AIFM1: variants seen among roughly 807,000 people sequenced by gnomAD.
AIFM1 encodes apoptosis inducing factor mitochondria associated 1.
A neutral mutation model predicts 51.7 loss-of-function variants in AIFM1; 3 were observed. The observed-to-expected ratio is 0.06, with a 90% confidence interval of 0.03 to 0.15. The LOEUF (loss-of-function observed/expected upper bound fraction) is 0.15. Ranked by LOEUF, AIFM1 falls within the 10% of genes least tolerant of loss-of-function variation. The probability of loss-of-function intolerance (pLI) is 1.00; values close to 1 mark genes in which losing one functional copy is unlikely to be tolerated. For missense variants in AIFM1, 330 were observed against 476.8 expected (o/e 0.69, Z 2.87); for synonymous variants, 178 against 179.4 (o/e 0.99, Z 0.06).
chrX:130,138,824 A>G (rs1159043436), intron 8 of AIFM1, 123 bp from the exon 9 acceptor site: 2 of 511,861 alleles, frequency 3.9e-6, no homozygotes, highest in Admixed American at 5.8e-5. Flanking sequence ...AAGTGACTCA[A>G]TTATAACTTC....
intron 1 of AIFM1, 54 bp from the exon 2 acceptor site, chrX:130,156,657 C>A (rs1260432345): frequency 8.8e-7 from 1 of 1,139,719 alleles, no homozygotes; most frequent in Non-Finnish European, 1.2e-6. Flanking sequence ...ATAGTTAATA[C>A]ATATTTATGA....
At chrX:130,158,001 G>A (rs1465888302) in intron 1 of AIFM1, among the ~76,000 whole-genome samples, 6 of 109,641 alleles carry the variant, frequency 5.5e-5, no homozygotes, top group Non-Finnish European at 7.6e-5. Flanking sequence ...AGTGGCTCAC[G>A]CCTGTAATCC....
rs190558459 is a variant in AIFM1 at position 130,138,460 on chromosome X, A to G, written c.967+133T>C. 644 of 517,085 alleles carry G rather than the reference A, an allele frequency of 1.2e-3. 7 individuals are homozygous for G. The highest frequency in any genetic ancestry group is 0.012 in the African/African-American group (505 of 42,020). 42.6% of individuals were successfully genotyped at this position (517,085 alleles called of 1,213,427 possible). A position where few individuals can be genotyped will look rare whatever the true frequency, so the allele number is the denominator to read the frequency against. ...AGCCTGGGTGACAGAGCGAGACTCC[A>G]TCTCAAAAAAAAATAAATAAATAAA... On this transcript the variant is annotated intron_variant, in intron 9 of 15. Transcript: ENST00000287295.
Position 130,149,544 on chromosome X carries a change from C to T in AIFM1, c.274G>A (p.Glu92Lys), listed in dbSNP as rs149319206. 2.4e-4 allele frequency: 291 copies of T among 1,205,295 alleles called. 2 individuals are homozygous for T. In the African/African-American group the frequency reaches 4.7e-3, roughly 20 times the overall value. Reference sequence around the variant, plus strand: ...GAAATTCTTTCATTGTATCTTTTTTCATCCTCTTTCATAGTCTTGTAGGCC... The same window carrying T: ...GAAATTCTTTCATTGTATCTTTTTTTATCCTCTTTCATAGTCTTGTAGGCC... ...AYAYKTMKED[E>K]KRYNERISGL... The change falls in exon 3 of 16, where the codon GAA becomes AAA. Residue 92 changes from glutamate (E) to lysine (K), a missense_variant. Glu to Lys is a moderately conservative substitution (Grantham distance 56). Coordinates refer to ENST00000287295, the MANE Select transcript of AIFM1 (RefSeq NM_004208.4).
intron 2 of AIFM1, among the ~76,000 whole-genome samples, chrX:130,150,799 A>AC (rs1282480103): frequency 6.0e-5 from 6 of 100,765 alleles, no homozygotes; most frequent in Admixed American, 5.3e-4. Flanking sequence ...ACATGGTGAA[A>AC]CCCCATCTCT....
At chrX:130,132,576 T>C (rs2030137655) in intron 13 of AIFM1, among the ~76,000 whole-genome samples, 1 of 112,325 alleles carries the variant, frequency 8.9e-6, no homozygotes, top group East Asian at 2.8e-4. Context: ...AAACTTTTTA[T>C]TTAAAAAATT....
intron 6 of AIFM1, 43 bp from the exon 7 acceptor site, chrX:130,140,660 T>G: frequency 4.8e-6 from 5 of 1,032,615 alleles, no homozygotes; most frequent in Non-Finnish European, 5.4e-6. Context: ...AGAGATGAAT[T>G]AGCATTGAAA....
At position 130,153,352 on chromosome X, in the gene AIFM1, C is replaced by CA. The variant is rs35771131; in HGVS notation, c.249+3108dup. On this transcript the variant is annotated intron_variant, in intron 2 of 15. Transcript: ENST00000287295. ...TGGGCGACACAGAGAGACTCCGTTT[C>CA]AAAAAAAAAAAAAAAAAAAAAAGTC... Among the ~76,000 whole-genome samples the CA allele has an allele frequency of 6.4e-3, 272 of 42,690 alleles. 2 individuals carry two copies. Among genetic ancestry groups the CA allele is most frequent in the East Asian group, 0.016 (20 of 1,253 alleles). The allele number at this position is 42,690 out of a possible 115,157, so 37.1% of individuals were successfully genotyped here. A position where few individuals can be genotyped will look rare whatever the true frequency, so the allele number is the denominator to read the frequency against.
chrX:130,165,416 A>C (rs763281291), intron 1 of AIFM1, 135 bp downstream of exon 1: 1 of 561,582 alleles, frequency 1.8e-6, no homozygotes, highest in East Asian at 3.6e-5. Context: ...CAGGGTTCGG[A>C]GTCTGCCAAT....
rs745975824 is a variant in AIFM1, at chrX:130,149,620, C to T, written c.250-52G>A. ...TATTTCACCATACAGCTAGCTCATA[C>T]TGTAAGTAATATTATCTTTCAATTA... On this transcript the variant is annotated intron_variant, in intron 2 of 15. Transcript: ENST00000287295. 6.9e-6 allele frequency: 6 copies of T among 867,064 alleles called. No individual in the cohort carries two copies. The African/African-American group carries it at 1.2e-4, about 17-fold the overall frequency. 71.5% of individuals were successfully genotyped at this position (867,064 alleles called of 1,213,427 possible). A position where few individuals can be genotyped will look rare whatever the true frequency, so the allele number is the denominator to read the frequency against.
At chrX:130,135,427 T>TC (rs2030287566) in intron 12 of AIFM1, among the ~76,000 whole-genome samples, 3 of 32,816 alleles carry the variant, frequency 9.1e-5, no homozygotes, top group African/African-American at 1.6e-4. Context: ...ATCCAGTACA[T>TC]CTTTTTTTTT....
intron 3 of AIFM1, among the ~76,000 whole-genome samples, chrX:130,148,385 T>C (rs745683037): frequency 1.8e-5 from 2 of 111,310 alleles, no homozygotes; most frequent in South Asian, 3.8e-4. Flanking sequence ...TATTAAAGGA[T>C]TAAAACAGTC....
intron 6 of AIFM1, among the ~76,000 whole-genome samples, chrX:130,142,635 T>C (rs1279319150): frequency 1.8e-5 from 2 of 111,357 alleles, no homozygotes; most frequent in African/African-American, 6.5e-5. Context: ...AACTTCCCAA[T>C]GGTATCTGTT....
intron 1 of AIFM1, among the ~76,000 whole-genome samples, chrX:130,158,639 G>A (rs749741382): frequency 3.0e-5 from 3 of 101,240 alleles, no homozygotes; most frequent in Admixed American, 1.1e-4. Flanking sequence ...CGAGCCACAT[G>A]GGAAGAAGAA....
At chrX:130,150,537 G>A (rs1346517579) in intron 2 of AIFM1, among the ~76,000 whole-genome samples, 7 of 103,423 alleles carry the variant, frequency 6.8e-5, no homozygotes, top group African/African-American at 2.4e-4. Flanking sequence ...GGGTTTCACC[G>A]TTTTAGCCGG....
chrX:130,149,232 T>G (rs768224113), intron 3 of AIFM1, among the ~76,000 whole-genome samples: 8 of 111,936 alleles, frequency 7.1e-5, no homozygotes, highest in African/African-American at 2.6e-4. Flanking sequence ...AAGAGACTAA[T>G]ATTAATATAC....
intron 12 of AIFM1, 84 bp downstream of exon 12, chrX:130,135,961 G>A: frequency 1.7e-6 from 2 of 1,157,590 alleles, no homozygotes; most frequent in Non-Finnish European, 2.4e-6. Context: ...TTAGGCTGTT[G>A]ATGAGCTTTA....
chrX:130,148,791 C>T (rs1340815620), intron 3 of AIFM1, among the ~76,000 whole-genome samples: 3 of 84,024 alleles, frequency 3.6e-5, no homozygotes, highest in Non-Finnish European at 6.5e-5. Context: ...TGAGATCGGG[C>T]CACTGCACTC....
chrX:130,144,689 G>A (rs1187061923), intron 6 of AIFM1, among the ~76,000 whole-genome samples: 4 of 111,523 alleles, frequency 3.6e-5, no homozygotes, highest in African/African-American at 6.5e-5. Flanking sequence ...AACATACTGC[G>A]CAGATCTCTC....
Sources: allele counts gnomAD v4.1 joint callset (sites outside exome capture counted in the v4.1 genomes callset), GRCh38; gene constraint gnomAD v4.1.1; transcripts MANE v1.5; gene names NCBI Gene and HGNC (gene_info 2026-07-23, HGNC 2026-07-21).